MICU1: variants seen among roughly 807,000 people sequenced by gnomAD.
The protein encoded by MICU1 is calcium uptake protein 1, mitochondrial.
In MICU1, 45 loss-of-function variants were observed where a neutral mutation model predicts 56.8. The ratio of observed to expected loss-of-function variants is 0.79; its 90% CI spans 0.62 to 1.02. The LOEUF (loss-of-function observed/expected upper bound fraction) is 1.02. Among genes scored for constraint, MICU1 ranks in the 50% least tolerant of loss-of-function variants. MICU1 has a pLI of 0.00. For missense variants in MICU1, 504 were observed against 587.1 expected, an observed-to-expected ratio of 0.86 and a Z score of 1.46; for synonymous variants, 186 against 195.1, an observed-to-expected ratio of 0.95 and a Z score of 0.39.
intron 9 of MICU1, among the ~76,000 whole-genome samples, chr10:72,422,834 T>C (rs1056465400): frequency 3.7e-4 from 27 of 72,600 alleles, no homozygotes; most frequent in African/African-American, 1.8e-3. Flanking sequence ...CCTCAGCCTC[T>C]GAGTAGCTGG....
intron 8 of MICU1, among the ~76,000 whole-genome samples, chr10:72,431,449 C>G (rs773704587): frequency 1.3e-5 from 2 of 152,118 alleles, no homozygotes; most frequent in African/African-American, 2.4e-5. Flanking sequence ...ATTTACGTAT[C>G]AGCTTTCCTC....
chr10:72,559,276 G>C (rs1212372572), intron 3 of MICU1, among the ~76,000 whole-genome samples: 1 of 151,950 alleles, frequency 6.6e-6, no homozygotes, highest in East Asian at 1.9e-4. Flanking sequence ...GGGAGGAAAG[G>C]GACTGAAGGG....
intron 8 of MICU1, among the ~76,000 whole-genome samples, chr10:72,469,966 C>T (rs1865900824): frequency 6.6e-6 from 1 of 152,184 alleles, no homozygotes. Flanking sequence ...TCTTACCCCT[C>T]ATTTAATGCA....
chr10:72,372,448 T>C (rs377310914), intron 11 of MICU1, among the ~76,000 whole-genome samples: 2 of 151,976 alleles, frequency 1.3e-5, no homozygotes, highest in East Asian at 1.9e-4. Flanking sequence ...CTAGAAAACA[T>C]AGTGAGACCT....
intron 8 of MICU1, among the ~76,000 whole-genome samples, chr10:72,471,721 C>T (rs1458475652): frequency 2.0e-5 from 3 of 152,010 alleles, no homozygotes; most frequent in Non-Finnish European, 4.4e-5. Flanking sequence ...CACTTACATT[C>T]CCAGATTATG....
Position 72,475,240 on chromosome 10 carries a change from T to G in MICU1, c.793A>C (p.Thr265Pro). ...SMGMRHRDRP[T>P]TGNTLKSGLC... is the part of the protein sequence containing the mutation. ...CCAGACTTGAGGGTGTTGCCAGTAG[T>G]TGGACGATCTCTGTGGCGCATACCC... is the stretch of plus-strand genomic sequence containing the variant. The change falls in exon 8 of 12, where the codon ACT becomes CCT. Residue 265 changes from threonine (T) to proline (P), a missense_variant. Transcript: ENST00000361114. 6.2e-7 allele frequency: 1 copy of G among 1,610,348 alleles called. No individual in the cohort carries two copies. The highest frequency in any genetic ancestry group is 8.5e-7 in the Non-Finnish European group (1 of 1,178,178).
intron 1 of MICU1, among the ~76,000 whole-genome samples, chr10:72,614,026 C>T (rs1277319236): frequency 6.6e-6 from 1 of 151,988 alleles, no homozygotes; most frequent in East Asian, 1.9e-4. Flanking sequence ...GGGCGCCTGT[C>T]CCAGCTATTT....
intron 1 of MICU1, among the ~76,000 whole-genome samples, chr10:72,574,002 C>T (rs115541911): frequency 2.6e-5 from 4 of 152,112 alleles, no homozygotes; most frequent in Admixed American, 6.6e-5. Context: ...TTTCTGCTTG[C>T]CTTTTTATAT....
At chr10:72,600,503 G>T (rs575786532) in intron 1 of MICU1, among the ~76,000 whole-genome samples, 1 of 151,600 alleles carries the variant, frequency 6.6e-6, no homozygotes, top group Non-Finnish European at 1.5e-5. Context: ...ATAAAAATTA[G>T]CTGGGCACGG....
chr10:72,458,704 G>GT (rs58623292), intron 8 of MICU1, among the ~76,000 whole-genome samples: 2,222 of 142,912 alleles, frequency 0.016, 26 homozygotes, highest in East Asian at 0.04. Context: ...TGCGGTTCCT[G>GT]TTTTTTTTTT....
chr10:72,580,625 C>A (rs1365537255), intron 1 of MICU1, among the ~76,000 whole-genome samples: 2 of 152,084 alleles, frequency 1.3e-5, no homozygotes, highest in African/African-American at 4.8e-5. Context: ...TACAGGCATG[C>A]GCCACCACAC....
At chr10:72,484,793 T>C (rs941090950) in intron 6 of MICU1, among the ~76,000 whole-genome samples, 17 of 152,202 alleles carry the variant, frequency 1.1e-4, no homozygotes. Context: ...AGTGAAGTCA[T>C]CATTTACCTA....
chr10:72,495,489 C>T (rs540386705), intron 6 of MICU1, among the ~76,000 whole-genome samples: 40 of 152,164 alleles, frequency 2.6e-4, no homozygotes, highest in African/African-American at 9.4e-4. Flanking sequence ...AACCTGCTCT[C>T]TACTAAAAGT....
At chr10:72,558,896 C>T (rs947094116) in intron 3 of MICU1, among the ~76,000 whole-genome samples, 1 of 152,176 alleles carries the variant, frequency 6.6e-6, no homozygotes, top group African/African-American at 2.4e-5. Context: ...AGATGCATGC[C>T]TGTAGTCCTG....
intron 5 of MICU1, among the ~76,000 whole-genome samples, chr10:72,526,823 TTAC>T (rs1332127534): frequency 6.6e-6 from 1 of 151,986 alleles, no homozygotes; most frequent in Non-Finnish European, 1.5e-5. Context: ...CTTAAAAATT[TTAC>T]TACCTTACCT....
At chr10:72,412,635 G>A (rs939903524) in intron 9 of MICU1, among the ~76,000 whole-genome samples, 5 of 152,122 alleles carry the variant, frequency 3.3e-5, no homozygotes, top group African/African-American at 1.2e-4. Context: ...TCGATCACCT[G>A]AGGTCAGGAG....
At chr10:72,459,896 T>A (rs1036993458) in intron 8 of MICU1, among the ~76,000 whole-genome samples, 1 of 152,206 alleles carries the variant, frequency 6.6e-6, no homozygotes, top group African/African-American at 2.4e-5. Flanking sequence ...GTGAATGGGA[T>A]TAACTGAATT....
At chr10:72,610,336 T>C (rs1841811070) in intron 1 of MICU1, among the ~76,000 whole-genome samples, 1 of 151,786 alleles carries the variant, frequency 6.6e-6, no homozygotes, top group African/African-American at 2.4e-5. Context: ...AGAAAAAATA[T>C]ATCTAGTCCA....
intron 6 of MICU1, among the ~76,000 whole-genome samples, chr10:72,504,689 C>A (rs1867185750): frequency 6.6e-6 from 1 of 152,084 alleles, no homozygotes; most frequent in South Asian, 2.1e-4. Context: ...AGTAAACAGA[C>A]AAACTACAGA....
Sources: allele counts gnomAD v4.1 joint callset (sites outside exome capture counted in the v4.1 genomes callset), GRCh38; gene constraint gnomAD v4.1.1; transcripts MANE v1.5; gene names NCBI Gene and HGNC (gene_info 2026-07-23, HGNC 2026-07-21).